Variants in RNF220 observed in about 807,000 individuals in gnomAD.
RNF220 encodes E3 ubiquitin-protein ligase RNF220.
A neutral mutation model predicts 67.1 loss-of-function variants in RNF220; 7 were observed. The observed-to-expected ratio is 0.10, with a 90% CI of 0.06 to 0.20. RNF220 has a LOEUF of 0.20. Among genes scored for constraint, RNF220 ranks in the 10% least tolerant of loss-of-function variants. The probability of loss-of-function intolerance (pLI) is 1.00; values close to 1 mark genes in which losing one functional copy is unlikely to be tolerated. For synonymous variants in RNF220, 270 were observed against 283.2 expected, an observed-to-expected ratio of 0.95 and a Z score of 0.47; for missense variants, 565 against 740.3, an observed-to-expected ratio of 0.76 and a Z score of 2.75.
intron 2 of RNF220, among the ~76,000 whole-genome samples, chr1:44,552,123 T>C (rs957943376): frequency 1.3e-4 from 20 of 152,148 alleles, no homozygotes; most frequent in African/African-American, 4.6e-4. Context: ...TAAGACTATT[T>C]CAAAAAGGCT....
chr1:44,507,223 G>A (rs901233527), intron 2 of RNF220, among the ~76,000 whole-genome samples: 1 of 152,124 alleles, frequency 6.6e-6, no homozygotes, highest in Non-Finnish European at 1.5e-5. Flanking sequence ...CTTCTGCTTT[G>A]GCCCTTTCTC....
intron 2 of RNF220, among the ~76,000 whole-genome samples, chr1:44,588,958 C>T (rs2148364660): frequency 6.6e-6 from 1 of 152,350 alleles, no homozygotes; most frequent in Admixed American, 6.5e-5. Flanking sequence ...GTGCCTGAGG[C>T]CTGCCTCCTC....
chr1:44,487,698 A>T (rs1656440469), intron 2 of RNF220, among the ~76,000 whole-genome samples: 1 of 148,244 alleles, frequency 6.7e-6, no homozygotes. Context: ...AATAATAATA[A>T]TAATAATAAT....
At chr1:44,527,477 G>A (rs1310727232) in intron 2 of RNF220, among the ~76,000 whole-genome samples, 2 of 152,092 alleles carry the variant, frequency 1.3e-5, no homozygotes, top group African/African-American at 4.8e-5. Flanking sequence ...AATGAATTAA[G>A]CCAGGCACTA....
chr1:44,558,619 C>G (rs562648893), intron 2 of RNF220, among the ~76,000 whole-genome samples: 1 of 152,286 alleles, frequency 6.6e-6, no homozygotes, highest in African/African-American at 2.4e-5. Context: ...AGTATTTTTA[C>G]TCCATTTGAT....
intron 2 of RNF220, among the ~76,000 whole-genome samples, chr1:44,441,761 C>T (rs1035454197): frequency 6.6e-6 from 1 of 152,182 alleles, no homozygotes; most frequent in African/African-American, 2.4e-5. Flanking sequence ...AGCAGCATTT[C>T]ATCATTCATT....
At chr1:44,628,430 A>G (rs1644020966) in intron 5 of RNF220, among the ~76,000 whole-genome samples, 1 of 152,132 alleles carries the variant, frequency 6.6e-6, no homozygotes, top group Admixed American at 6.5e-5. Flanking sequence ...TATACATACA[A>G]CTTCAGGAGG....
Position 44,626,403 on chromosome 1 carries a change from G to A in RNF220, c.906+5G>A. On this transcript the variant is annotated splice_donor_5th_base_variant and intron_variant, in intron 5 of 14. Transcript: ENST00000361799. ...CACCATTCAGACAGATACCAGGTGA[G>A]GAGGGGTGGTGAGTGGCCATGAGAA... 1 of 1,612,158 alleles carries A rather than the reference G, an allele frequency of 6.2e-7. No individual in the cohort carries two copies. Among genetic ancestry groups the A allele is most frequent in the Non-Finnish European group, 8.5e-7 (1 of 1,178,278 alleles).
At chr1:44,493,728 T>C (rs933847266) in intron 2 of RNF220, among the ~76,000 whole-genome samples, 2 of 152,050 alleles carry the variant, frequency 1.3e-5, no homozygotes, top group Non-Finnish European at 2.9e-5. Context: ...TAGTTCCAGC[T>C]ACTCGGGAAG....
At chr1:44,457,957 T>C (rs1415030020) in intron 2 of RNF220, among the ~76,000 whole-genome samples, 1 of 152,134 alleles carries the variant, frequency 6.6e-6, no homozygotes, top group Non-Finnish European at 1.5e-5. Flanking sequence ...CTTCGGCTTC[T>C]TTACAATAGA....
At chr1:44,454,334 T>C (rs1572552479) in intron 2 of RNF220, among the ~76,000 whole-genome samples, 1 of 152,300 alleles carries the variant, frequency 6.6e-6, no homozygotes, top group African/African-American at 2.4e-5. Context: ...GTTTTATATC[T>C]CTTCTTGGGT....
chr1:44,633,142 A>T (rs1644219064), intron 6 of RNF220, among the ~76,000 whole-genome samples: 1 of 152,184 alleles, frequency 6.6e-6, no homozygotes, highest in African/African-American at 2.4e-5. Context: ...CCCAGCTCTT[A>T]TCACTTGGTT....
At chr1:44,567,924 G>A (rs1664146094) in intron 2 of RNF220, among the ~76,000 whole-genome samples, 1 of 152,072 alleles carries the variant, frequency 6.6e-6, no homozygotes, top group South Asian at 2.1e-4. Context: ...CGGACTCCTG[G>A]AGGTTCCCAT....
intron 2 of RNF220, among the ~76,000 whole-genome samples, chr1:44,423,551 G>T (rs1649444258): frequency 1.3e-5 from 2 of 152,140 alleles, no homozygotes; most frequent in African/African-American, 4.8e-5. Flanking sequence ...GAGGACCCAT[G>T]AGCACCCAGA....
At chr1:44,580,218 G>T (rs1355265067) in intron 2 of RNF220, among the ~76,000 whole-genome samples, 2 of 152,050 alleles carry the variant, frequency 1.3e-5, no homozygotes, top group Non-Finnish European at 2.9e-5. Flanking sequence ...ATTACATAAT[G>T]AAGCTGGGAT....
At chr1:44,644,925 G>A in intron 9 of RNF220, 70 bp from the exon 10 acceptor site, 1 of 1,576,198 alleles carries the variant, frequency 6.3e-7, no homozygotes, top group Non-Finnish European at 8.7e-7. Context: ...GGAGGGCCAT[G>A]CTCTCCTGAG....
intron 2 of RNF220, among the ~76,000 whole-genome samples, chr1:44,447,186 A>G (rs1336084940): frequency 3.3e-5 from 5 of 152,236 alleles, no homozygotes; most frequent in African/African-American, 1.2e-4. Flanking sequence ...TATGTACAGC[A>G]GTATATTTTG....
chr1:44,624,411 A>G lies in RNF220; in HGVS notation c.804+1624A>G, dbSNP rs1643883858. 2.6e-5 allele frequency among the ~76,000 whole-genome samples: 4 copies of G among 152,300 alleles called. No homozygotes were observed. In the South Asian group the frequency reaches 8.3e-4, roughly 32 times the overall value. ...TCCGTCCCTAGCTCCCCACATATAC[A>G]GACCCACACACACACTCAGGTCAGA... is the stretch of plus-strand genomic sequence containing the variant. On this transcript the variant is annotated intron_variant, in intron 4 of 14. Transcript: ENST00000361799. The surrounding 1 kb of genome is among the most constrained non-coding windows in gnomAD (Gnocchi z 4.2).
chr1:44,579,089 G>A (rs1250470983), intron 2 of RNF220, among the ~76,000 whole-genome samples: 2 of 151,894 alleles, frequency 1.3e-5, no homozygotes, highest in Non-Finnish European at 2.9e-5. Flanking sequence ...CCAGGAGGCA[G>A]TGGTTGTAGT....
Sources: gnomAD v4.1 joint callset for allele counts (sites outside exome capture counted in the v4.1 genomes callset) on GRCh38, gnomAD v4.1.1 for gene constraint, Gnocchi (gnomAD v3.1) non-coding constraint, MANE v1.5 for transcripts, NCBI Gene and HGNC (gene_info 2026-07-23, HGNC 2026-07-21) for gene names.